The following SMARCA1 variants were observed in gnomAD, a reference collection of about 807,000 sequenced individuals.
The protein encoded by SMARCA1 is SNF2 related chromatin remodeling ATPase 1.
SMARCA1 carries 17 observed loss-of-function variants against 93.6 expected under a neutral mutation model. That is an observed-to-expected ratio of 0.18 (90% CI 0.12 to 0.27). The LOEUF (loss-of-function observed/expected upper bound fraction) is 0.27, where lower values mean the gene tolerates loss of function less well. Ranked by LOEUF, SMARCA1 falls within the 10% of genes least tolerant of loss-of-function variation. The pLI is 1.00. For synonymous variants in SMARCA1, 271 were observed against 271.4 expected (o/e 1.00, Z 0.01); for missense variants, 630 against 819.0 (o/e 0.77, Z 2.82).
At chrX:129,519,175 C>T (rs1221198990) in intron 1 of SMARCA1, among the ~76,000 whole-genome samples, 3 of 111,539 alleles carry the variant, frequency 2.7e-5, no homozygotes, top group Non-Finnish European at 5.7e-5. Flanking sequence ...TAACATCAAT[C>T]AATAACTTAA....
At chrX:129,509,810 G>A (rs1934962721) in intron 6 of SMARCA1, among the ~76,000 whole-genome samples, 1 of 111,693 alleles carries the variant, frequency 9.0e-6, no homozygotes, top group Non-Finnish European at 1.9e-5. Context: ...TACCTCTGGC[G>A]TGGAAAAGGA....
At chrX:129,502,917 T>G (rs917775104) in intron 9 of SMARCA1, among the ~76,000 whole-genome samples, 1 of 111,504 alleles carries the variant, frequency 9.0e-6, no homozygotes, top group Non-Finnish European at 1.9e-5. Context: ...GGAAAGTCCA[T>G]AAAGAATAGG....
intron 6 of SMARCA1, among the ~76,000 whole-genome samples, chrX:129,510,454 G>C: frequency 8.9e-6 from 1 of 111,976 alleles, no homozygotes; most frequent in Non-Finnish European, 1.9e-5. Context: ...TGTAGTCCCA[G>C]CAACTCAGGA....
intron 14 of SMARCA1, 21 bp from the exon 15 acceptor site, chrX:129,490,213 G>A: frequency 9.0e-7 from 1 of 1,115,963 alleles, no homozygotes; most frequent in African/African-American, 1.8e-5. Flanking sequence ...GAGTTCTAAT[G>A]TAAGATATTG....
chrX:129,466,955 C>T (rs1932928774), intron 21 of SMARCA1, among the ~76,000 whole-genome samples: 1 of 110,906 alleles, frequency 9.0e-6, no homozygotes, highest in African/African-American at 3.3e-5. Flanking sequence ...TAATATGTCA[C>T]ATGACTTCAA....
At chrX:129,509,991 A>C (rs1206670862) in intron 6 of SMARCA1, among the ~76,000 whole-genome samples, 2 of 112,400 alleles carry the variant, frequency 1.8e-5, no homozygotes, top group Non-Finnish European at 3.8e-5. Flanking sequence ...CAACATATCT[A>C]TCCTATGTTC....
At position 129,468,936 on chromosome X, in the gene SMARCA1, G is replaced by C. The variant is rs777921845; in HGVS notation, c.2566-31C>G. On this transcript the variant is annotated intron_variant, in intron 20 of 24. Transcript: ENST00000371121. The stretch of plus-strand genomic sequence containing the variant: ...AACAAAAAGTTAAGCATTATCAATA[G>C]AGGTTAAATTAATAAATCCATTTAT... 14 of 1,069,697 alleles carry C rather than the reference G, an allele frequency of 1.3e-5. No individual in the cohort carries two copies. In the East Asian group the frequency reaches 3.1e-4, roughly 24 times the overall value. 88.2% of individuals were successfully genotyped at this position (1,069,697 alleles called of 1,213,427 possible).
intron 19 of SMARCA1, among the ~76,000 whole-genome samples, chrX:129,478,392 C>T (rs1354570222): frequency 2.7e-5 from 3 of 112,248 alleles, no homozygotes; most frequent in Admixed American, 1.9e-4. Flanking sequence ...TCTCCTCTTG[C>T]TTCTTTCAGG....
intron 1 of SMARCA1, among the ~76,000 whole-genome samples, chrX:129,519,271 T>C (rs192654154): frequency 9.0e-6 from 1 of 111,656 alleles, no homozygotes; most frequent in Non-Finnish European, 1.9e-5. Context: ...TAAATACATA[T>C]ATAGAATAAG....
chrX:129,479,577 A>C (rs2124239914), intron 19 of SMARCA1, among the ~76,000 whole-genome samples: 1 of 111,188 alleles, frequency 9.0e-6, no homozygotes, highest in South Asian at 3.8e-4. Flanking sequence ...GTTGTGACAA[A>C]GGTTTACAAA....
At chrX:129,468,524 C>G (rs1220579087) in intron 21 of SMARCA1, among the ~76,000 whole-genome samples, 1 of 112,115 alleles carries the variant, frequency 8.9e-6, no homozygotes. Context: ...CCAAGAGCCA[C>G]CCTTGTTTTA....
chrX:129,511,669 C>A lies in SMARCA1; in HGVS notation c.810+135G>T, dbSNP rs187230912. The A allele has an allele frequency of 4.1e-4, 174 of 427,824 alleles. 2 individuals carry two copies. The East Asian group carries it at 5.8e-3, about 14-fold the overall frequency. 35.3% of individuals were successfully genotyped at this position (427,824 alleles called of 1,213,427 possible). A position where few individuals can be genotyped will look rare whatever the true frequency, so the allele number is the denominator to read the frequency against. ...AGATGCAAAGCACTTAAAACAGAGTCTAGCTTAGAGTACATACACCTTAAG... is the reference window on the plus strand; with the variant it reads ...AGATGCAAAGCACTTAAAACAGAGTATAGCTTAGAGTACATACACCTTAAG... On this transcript the variant is annotated intron_variant, in intron 6 of 24. Transcript: ENST00000371121.
At chrX:129,467,357 C>G (rs1415860454) in intron 21 of SMARCA1, among the ~76,000 whole-genome samples, 1 of 111,447 alleles carries the variant, frequency 9.0e-6, no homozygotes, top group African/African-American at 3.3e-5. Flanking sequence ...TTCACATACA[C>G]CGATGTTATC....
At chrX:129,472,900 A>G (rs759475507) in intron 19 of SMARCA1, among the ~76,000 whole-genome samples, 2 of 111,848 alleles carry the variant, frequency 1.8e-5, no homozygotes, top group East Asian at 5.6e-4. Context: ...TTTTTGAATG[A>G]GGGAAACTCT....
chrX:129,459,579 CAT>C (rs1385113529), intron 23 of SMARCA1, among the ~76,000 whole-genome samples: 2 of 112,171 alleles, frequency 1.8e-5, no homozygotes, highest in African/African-American at 6.5e-5. Flanking sequence ...CATAATAAAA[CAT>C]ATGACATTTA....
intron 2 of SMARCA1, among the ~76,000 whole-genome samples, chrX:129,516,978 T>C (rs370276681): frequency 3.6e-5 from 4 of 111,490 alleles, no homozygotes; most frequent in Non-Finnish European, 5.7e-5. Flanking sequence ...TTCCAAGTTG[T>C]ATCCAGAAAT....
At chrX:129,497,768 G>T in intron 11 of SMARCA1, 77 bp downstream of exon 11, 1 of 636,250 alleles carries the variant, frequency 1.6e-6, no homozygotes, top group East Asian at 3.6e-5. Flanking sequence ...GTGAATGAAT[G>T]AATATGGAAA....
At chrX:129,464,152 T>C (rs1338738162) in intron 23 of SMARCA1, among the ~76,000 whole-genome samples, 1 of 111,838 alleles carries the variant, frequency 8.9e-6, no homozygotes, top group African/African-American at 3.2e-5. Flanking sequence ...TTAACAAATA[T>C]GTGATCTTCT....
chrX:129,471,267 C>A lies in SMARCA1; in HGVS notation c.2502G>T (p.Lys834Asn). ...GTGTAAGAGGTTCAGCTCCATCAAT[C>A]TTTTTTTGCTCTTCTCTTTGAGCCA... ...PALAQREEQK[K>N]IDGAEPLTPE... Residue 834 changes from lysine to asparagine, a missense_variant, in exon 20 of 25, where the codon AAG becomes AAT. Physicochemically the swap from Lys to Asn is moderately conservative, Grantham distance 94. This residue lies in a region of SMARCA1 where 52 missense variants were observed against 38.3 expected (regional missense o/e 1.36). Coordinates refer to ENST00000371121, the MANE Select transcript of SMARCA1 (RefSeq NM_001282874.2). 8.3e-7 allele frequency: 1 copy of A among 1,200,357 alleles called. No individual in the cohort carries two copies. The highest frequency in any genetic ancestry group is 3.0e-5 in the East Asian group (1 of 33,739).
Sources: allele counts gnomAD v4.1 joint callset (sites outside exome capture counted in the v4.1 genomes callset), GRCh38; gene constraint gnomAD v4.1.1; regional missense constraint gnomAD v4.1.1; transcripts MANE v1.5; gene names NCBI Gene and HGNC (gene_info 2026-07-23, HGNC 2026-07-21).